Variants in RARB observed in about 807,000 individuals in gnomAD.
RARB encodes the protein HBV-activated protein.
Under a neutral mutation model 51.9 loss-of-function variants are expected in RARB, and 17 were observed. That is an observed-to-expected ratio of 0.33 (90% CI 0.22 to 0.49). The LOEUF is 0.49. RARB is among the 20% of genes least tolerant of loss of function. The pLI, the probability that RARB is intolerant of heterozygous loss-of-function variation, is 0.99. For missense variants in RARB, 369 were observed against 550.8 expected, an observed-to-expected ratio of 0.67 and a Z score of 3.30; for synonymous variants, 215 against 195.4, an observed-to-expected ratio of 1.10 and a Z score of -0.84.
chr3:25,375,573 T>C (rs1320957166), intron 5 of RARB, among the ~76,000 whole-genome samples: 1 of 152,184 alleles, frequency 6.6e-6, no homozygotes, highest in African/African-American at 2.4e-5. Flanking sequence ...ATAATGGGAC[T>C]GTATGGGGCT....
chr3:25,471,362 G>C (rs1695681944), intron 2 of RARB, among the ~76,000 whole-genome samples: 1 of 152,182 alleles, frequency 6.6e-6, no homozygotes, highest in African/African-American at 2.4e-5. Flanking sequence ...TCTCAGCTTA[G>C]AGAATCTACC....
chr3:25,311,546 A>T (rs915820075), intron 5 of RARB, among the ~76,000 whole-genome samples: 1 of 152,244 alleles, frequency 6.6e-6, no homozygotes, highest in East Asian at 1.9e-4. Context: ...AAATATGTAG[A>T]TGTTCCACCC....
chr3:25,454,653 G>A (rs558571189), intron 1 of RARB, among the ~76,000 whole-genome samples: 1 of 150,834 alleles, frequency 6.6e-6, no homozygotes, highest in Non-Finnish European at 1.5e-5. Flanking sequence ...TGTCAACATC[G>A]TTTTAGCCAG....
chr3:24,892,643 T>A (rs546103231), intron 2 of RARB, among the ~76,000 whole-genome samples: 12 of 152,340 alleles, frequency 7.9e-5, no homozygotes, highest in Admixed American at 2.6e-4. Context: ...GCAAGAACTC[T>A]GGAATTATGA....
At chr3:25,386,934 G>A (rs1186764857) in intron 5 of RARB, among the ~76,000 whole-genome samples, 2 of 152,158 alleles carry the variant, frequency 1.3e-5, no homozygotes, top group Non-Finnish European at 2.9e-5. Context: ...GTGGGCGTAG[G>A]CAATTTTTCC....
intron 1 of RARB, among the ~76,000 whole-genome samples, chr3:25,449,164 G>A (rs933298651): frequency 6.6e-6 from 1 of 152,072 alleles, no homozygotes; most frequent in African/African-American, 2.4e-5. Flanking sequence ...CATTTGGCCT[G>A]AGTGACTGCT....
At chr3:25,419,977 A>G (rs1707813077) in intron 5 of RARB, among the ~76,000 whole-genome samples, 1 of 152,202 alleles carries the variant, frequency 6.6e-6, no homozygotes, top group Admixed American at 6.5e-5. Flanking sequence ...GAAGCTTTCG[A>G]AGCTCTTGGT....
At chr3:25,040,323 A>G (rs1321343505) in intron 2 of RARB, among the ~76,000 whole-genome samples, 2 of 152,228 alleles carry the variant, frequency 1.3e-5, no homozygotes. Context: ...GATTTGGGTT[A>G]AGGGGAAGCC....
intron 7 of RARB, among the ~76,000 whole-genome samples, chr3:25,594,889 G>A (rs1701759036): frequency 6.8e-6 from 1 of 147,938 alleles, no homozygotes. Flanking sequence ...TTATCTTAAC[G>A]ATTGAGAGCT....
intron 1 of RARB, among the ~76,000 whole-genome samples, chr3:25,453,214 T>G (rs1403359762): frequency 6.6e-6 from 1 of 151,546 alleles, no homozygotes; most frequent in South Asian, 2.1e-4. Context: ...ATTCTGATTC[T>G]GCATTTCTGG....
At chr3:25,393,919 G>T (rs1707042860) in intron 5 of RARB, among the ~76,000 whole-genome samples, 1 of 151,518 alleles carries the variant, frequency 6.6e-6, no homozygotes, top group African/African-American at 2.4e-5. Flanking sequence ...ATTTAGTTTT[G>T]CTCTGATCTT....
intron 2 of RARB, among the ~76,000 whole-genome samples, chr3:25,032,579 C>G (rs1324247358): frequency 6.6e-6 from 1 of 152,302 alleles, no homozygotes; most frequent in Middle Eastern, 3.4e-3. Context: ...CACTGATATT[C>G]CATTATTCTC....
At chr3:25,214,842 A>G (rs909098440) in intron 5 of RARB, among the ~76,000 whole-genome samples, 1 of 152,180 alleles carries the variant, frequency 6.6e-6, no homozygotes, top group Non-Finnish European at 1.5e-5. Flanking sequence ...CCCCAGTGTC[A>G]TGTAGTTAGC....
At chr3:24,991,039 G>A (rs1432998532) in intron 2 of RARB, among the ~76,000 whole-genome samples, 1 of 152,146 alleles carries the variant, frequency 6.6e-6, no homozygotes, top group Non-Finnish European at 1.5e-5. Flanking sequence ...ACATAGGTAT[G>A]TTACTGTTTT....
At chr3:25,451,664 T>C (rs951596743) in intron 1 of RARB, among the ~76,000 whole-genome samples, 1 of 152,198 alleles carries the variant, frequency 6.6e-6, no homozygotes, top group African/African-American at 2.4e-5. Context: ...AGTGGCAAGG[T>C]ATGTGACAAA....
chr3:25,472,200 A>G (rs1695732366), intron 2 of RARB, among the ~76,000 whole-genome samples: 2 of 152,338 alleles, frequency 1.3e-5, no homozygotes, highest in South Asian at 4.1e-4. Flanking sequence ...CTTGACTGGC[A>G]GCCTTCTCTT....
intron 3 of RARB, among the ~76,000 whole-genome samples, chr3:25,567,625 C>T (rs1700553288): frequency 6.6e-6 from 1 of 152,200 alleles, no homozygotes; most frequent in Non-Finnish European, 1.5e-5. Context: ...ACAAGTTTTG[C>T]ATAGACACAT....
intron 5 of RARB, among the ~76,000 whole-genome samples, chr3:25,206,906 G>C (rs373586842): frequency 6.6e-6 from 1 of 152,094 alleles, no homozygotes. Flanking sequence ...TCAGTCACAG[G>C]TGCACCCACA....
At chr3:24,848,354 C>A (rs994410519) in intron 1 of RARB, among the ~76,000 whole-genome samples, 3 of 152,182 alleles carry the variant, frequency 2.0e-5, no homozygotes, top group Non-Finnish European at 4.4e-5. Flanking sequence ...ATCCATGGCG[C>A]CTGGCCCTGT....
Sources: allele counts gnomAD v4.1 joint callset (sites outside exome capture counted in the v4.1 genomes callset), GRCh38; gene constraint gnomAD v4.1.1; transcripts MANE v1.5; gene names NCBI Gene and HGNC (gene_info 2026-07-23, HGNC 2026-07-21).